Variants in NR5A2 observed in about 807,000 individuals in gnomAD.
NR5A2 encodes CYP7A promoter-binding factor.
Under a neutral mutation model 62.7 loss-of-function variants are expected in NR5A2, and 26 were observed. The ratio of observed to expected loss-of-function variants is 0.41; its 90% CI spans 0.30 to 0.58. The LOEUF (loss-of-function observed/expected upper bound fraction) is 0.58. Among genes scored for constraint, NR5A2 ranks in the 20% least tolerant of loss-of-function variants. The pLI is 0.22. For missense variants in NR5A2, 541 were observed against 669.1 expected, an observed-to-expected ratio of 0.81 and a Z score of 2.11; for synonymous variants, 246 against 241.7, an observed-to-expected ratio of 1.02 and a Z score of -0.16.
Position 200,048,456 on chromosome 1 carries a change from C to A in NR5A2, c.748C>A (p.Pro250Thr). 6.2e-7 allele frequency: 1 copy of A among 1,614,224 alleles called. No individual in the cohort carries two copies. The highest frequency in any genetic ancestry group is 8.5e-7 in the Non-Finnish European group (1 of 1,180,040). The change falls in exon 5 of 8, where the codon CCC becomes ACC. Residue 250 changes from proline (P) to threonine (T), a missense_variant. This residue lies in a region of NR5A2 where 379 missense variants were observed against 442.0 expected (regional missense o/e 0.86). Transcript: ENST00000367362. This position sits in a 1 kb window ranked among gnomAD's most constrained non-coding sequence, Gnocchi z 4.8. ...FVTSPISMTM[P>T]PHGSLQGYQT... ...AACATCCCCCATTAGCATGACAATG[C>A]CCCCTCACGGCAGCCTGCAAGGTTA...
At position 200,094,331 on chromosome 1, in the gene NR5A2, C is replaced by T. The variant is rs1176843955; in HGVS notation, c.1111-16871C>T. On this transcript the variant is annotated intron_variant, in intron 5 of 7. Transcript: ENST00000367362. ...TCCAGAATAGCTGGGGTTACAGGCG[C>T]GGGCTACCACACCTGCCTGATTTTT... 5.3e-5 allele frequency among the ~76,000 whole-genome samples: 8 copies of T among 150,936 alleles called. 1 individual carries two copies. In the South Asian group the frequency reaches 6.3e-4, roughly 12 times the overall value.
At chr1:200,104,565 A>G (rs1665551825) in intron 5 of NR5A2, among the ~76,000 whole-genome samples, 1 of 151,556 alleles carries the variant, frequency 6.6e-6, no homozygotes, top group Non-Finnish European at 1.5e-5. Flanking sequence ...ATCTTTAGGG[A>G]TTTTTTTTTC....
Position 200,043,812 on chromosome 1 carries a change from G to A in NR5A2, c.241G>A (p.Asp81Asn), listed in dbSNP as rs1662233280. 1 of 1,613,588 alleles carries A rather than the reference G, an allele frequency of 6.2e-7. No homozygotes were observed. Among genetic ancestry groups the A allele is most frequent in the Non-Finnish European group, 8.5e-7 (1 of 1,179,626 alleles). The change falls in exon 3 of 8, where the codon GAT becomes AAT. Residue 81 changes from aspartate (D) to asparagine (N), a missense_variant. By Grantham distance (23) the Asp-to-Asn change is conservative (BLOSUM62 1). Around this residue, in one of 3 missense-constraint regions of NR5A2, gnomAD observed 108 missense variants for 103.3 expected, o/e 1.05. Transcript: ENST00000367362. ...FKMVNYSYDE[D>N]LEELCPVCGD... ...AATGGTGAATTACTCCTATGATGAA[G>A]ATCTGGAAGAGCTTTGTCCCGTGTG...
chr1:200,102,950 G>T (rs1000729832), intron 5 of NR5A2, among the ~76,000 whole-genome samples: 1 of 151,994 alleles, frequency 6.6e-6, no homozygotes, highest in Non-Finnish European at 1.5e-5. Context: ...ATGCCTTGTT[G>T]CTAGGACCAT....
intron 5 of NR5A2, among the ~76,000 whole-genome samples, chr1:200,052,857 G>A (rs551353547): frequency 1.3e-4 from 20 of 152,000 alleles, no homozygotes; most frequent in East Asian, 9.7e-4. Flanking sequence ...AGCCAGGATG[G>A]TCTTGATCTC....
At chr1:200,131,019 T>C (rs1323642605) in intron 7 of NR5A2, among the ~76,000 whole-genome samples, 1 of 152,250 alleles carries the variant, frequency 6.6e-6, no homozygotes, top group Non-Finnish European at 1.5e-5. Flanking sequence ...CATATCTTCA[T>C]ACTAATGCCT....
intron 5 of NR5A2, among the ~76,000 whole-genome samples, chr1:200,095,280 C>T (rs908939619): frequency 2.0e-5 from 3 of 152,070 alleles, no homozygotes; most frequent in African/African-American, 7.2e-5. Flanking sequence ...TCATGCCTGG[C>T]TGAGCTCTTT....
At chr1:200,083,495 G>T (rs61819925) in intron 5 of NR5A2, among the ~76,000 whole-genome samples, 3,484 of 152,254 alleles carry the variant, frequency 0.023, 49 homozygotes, top group Non-Finnish European at 0.034. Flanking sequence ...GAATTTTTAT[G>T]CATTTTATGG....
At chr1:200,116,974 T>A (rs1025209818) in intron 6 of NR5A2, among the ~76,000 whole-genome samples, 4 of 152,214 alleles carry the variant, frequency 2.6e-5, no homozygotes, top group Non-Finnish European at 5.9e-5. Flanking sequence ...TTATTGTGTA[T>A]CATATTAAAA....
chr1:200,054,724 C>T (rs77735664), intron 5 of NR5A2, among the ~76,000 whole-genome samples: 4,567 of 152,170 alleles, frequency 0.03, 121 homozygotes, highest in African/African-American at 0.064. Context: ...AGCAAACCTT[C>T]TTTTTTCTCT....
chr1:200,036,409 G>A (rs1488262408), intron 1 of NR5A2, among the ~76,000 whole-genome samples: 2 of 152,132 alleles, frequency 1.3e-5, no homozygotes, highest in Admixed American at 1.3e-4. Flanking sequence ...AAGGGTCAAA[G>A]GACCAGAGTG....
In NR5A2 at chr1:200,174,988, A is replaced by G. The variant is rs1654353910; in HGVS notation, c.*778A>G. 6.5e-6 allele frequency: 1 copy of G among 152,674 alleles called. No individual in the cohort carries two copies. Among genetic ancestry groups the G allele is most frequent in the South Asian group, 2.1e-4 (1 of 4,838 alleles). 9.5% of individuals were successfully genotyped at this position (152,674 alleles called of 1,614,324 possible). On this transcript the variant is annotated 3_prime_UTR_variant, in exon 8 of 8. Transcript: ENST00000367362. ...ATTAATATTAAGGGAAATGACTACA[A>G]ACTTTCAAAGCAAATGCTCCATAGC... is the stretch of plus-strand genomic sequence containing the variant.
intron 7 of NR5A2, among the ~76,000 whole-genome samples, chr1:200,152,275 A>C (rs1653166015): frequency 6.6e-6 from 1 of 152,208 alleles, no homozygotes; most frequent in Non-Finnish European, 1.5e-5. Flanking sequence ...TGGAATTCCC[A>C]ATCTTAACAT....
chr1:200,061,832 C>T (rs907785270), intron 5 of NR5A2, among the ~76,000 whole-genome samples: 2 of 152,112 alleles, frequency 1.3e-5, no homozygotes, highest in African/African-American at 4.8e-5. Flanking sequence ...ATAACAGAAC[C>T]ACCTCCTATG....
At chr1:200,101,429 G>A (rs1420307882) in intron 5 of NR5A2, among the ~76,000 whole-genome samples, 1 of 152,182 alleles carries the variant, frequency 6.6e-6, no homozygotes, top group Non-Finnish European at 1.5e-5. Flanking sequence ...AGGCTATGAA[G>A]TTTGTCAATA....
At chr1:200,129,148 C>G (rs1666854964) in intron 7 of NR5A2, among the ~76,000 whole-genome samples, 1 of 152,110 alleles carries the variant, frequency 6.6e-6, no homozygotes, top group Non-Finnish European at 1.5e-5. Flanking sequence ...TACCCCAGGC[C>G]CAGTCAGGAC....
chr1:200,029,901 C>T (rs1002725563), intron 1 of NR5A2, among the ~76,000 whole-genome samples: 2 of 152,184 alleles, frequency 1.3e-5, no homozygotes, highest in Non-Finnish European at 2.9e-5. Flanking sequence ...ATCTGTTTAC[C>T]TCGTAGCCTC....
At chr1:200,030,071 C>T (rs1661497503) in intron 1 of NR5A2, among the ~76,000 whole-genome samples, 1 of 152,100 alleles carries the variant, frequency 6.6e-6, no homozygotes, top group Non-Finnish European at 1.5e-5. Context: ...TTGAATGGGT[C>T]TTTCTGATTG....
intron 5 of NR5A2, among the ~76,000 whole-genome samples, chr1:200,049,977 A>G (rs1171096884): frequency 6.6e-6 from 1 of 152,226 alleles, no homozygotes; most frequent in Non-Finnish European, 1.5e-5. Flanking sequence ...GAACAGACCT[A>G]AATAAGTTGA....
Sources: gnomAD v4.1 joint callset for allele counts (sites outside exome capture counted in the v4.1 genomes callset) on GRCh38, gnomAD v4.1.1 for gene constraint, gnomAD v4.1.1 regional missense constraint, Gnocchi (gnomAD v3.1) non-coding constraint, MANE v1.5 for transcripts, NCBI Gene and HGNC (gene_info 2026-07-23, HGNC 2026-07-21) for gene names.